SCAF1: variants seen among roughly 807,000 people sequenced by gnomAD.
SCAF1 encodes the protein splicing factor, arginine/serine-rich 19.
In SCAF1, 28 loss-of-function variants were observed where a neutral mutation model predicts 91.2. The observed-to-expected ratio is 0.31, with a 90% CI of 0.23 to 0.42. The LOEUF (loss-of-function observed/expected upper bound fraction) is 0.42, where lower values mean the gene tolerates loss of function less well. Among genes scored for constraint, SCAF1 ranks in the 10% least tolerant of loss-of-function variants. The pLI, the probability that SCAF1 is intolerant of heterozygous loss-of-function variation, is 1.00. For missense variants in SCAF1, 1,893 were observed against 1,872.1 expected (o/e 1.01, Z -0.21); for synonymous variants, 1,036 against 833.7 (o/e 1.24, Z -4.18).
Position 49,646,202 on chromosome 19 carries a change from T to C in SCAF1, c.261T>C (p.Thr87=). ...AATCAGGGGGCACTGACACGGCTACTGTGAGTAAGAAGAGGGGGCTGGGGG... is the reference window on the plus strand; with the variant it reads ...AATCAGGGGGCACTGACACGGCTACCGTGAGTAAGAAGAGGGGGCTGGGGG... The part of the protein sequence containing the change: ...SQESGGTDTA[T]VLDMATDSFL... The change falls in exon 4 of 11, where the codon ACT becomes ACC. Residue 87 remains threonine (T), a splice_region_variant and synonymous_variant. Transcript: ENST00000360565. The surrounding 1 kb of genome is among the most constrained non-coding windows in gnomAD (Gnocchi z 5.6). 1 of 1,598,872 alleles carries C rather than the reference T, an allele frequency of 6.3e-7. No homozygotes were observed. Among genetic ancestry groups the C allele is most frequent in the Non-Finnish European group, 8.5e-7 (1 of 1,177,530 alleles).
In SCAF1 at chr19:49,642,855, C is replaced by T. The variant is rs967336870; in HGVS notation, c.-7+613C>T. On this transcript the variant is annotated intron_variant, in intron 1 of 10. Transcript: ENST00000360565. The surrounding 1 kb of genome is among the most constrained non-coding windows in gnomAD (Gnocchi z 4.0). Reference sequence around the variant, plus strand: ...GCCCCCTAGGGGGTTGGGTTATGCCCACCAGGGAAGGGCGCCAAATATTGA... The same window carrying T: ...GCCCCCTAGGGGGTTGGGTTATGCCTACCAGGGAAGGGCGCCAAATATTGA... The T allele has an allele frequency of 6.6e-6, 1 of 152,286 alleles. No homozygotes were observed. Among genetic ancestry groups the T allele is most frequent in the Non-Finnish European group, 1.5e-5 (1 of 68,106 alleles). 9.4% of individuals were successfully genotyped at this position (152,286 alleles called of 1,614,324 possible).
intron 1 of SCAF1, among the ~76,000 whole-genome samples, chr19:49,643,400 C>T (rs2081038003): frequency 6.6e-6 from 1 of 152,312 alleles, no homozygotes; most frequent in African/African-American, 2.4e-5. Context: ...TTTCCACTTA[C>T]TACTTGTGCT....
rs1204804234 is a variant in SCAF1 at position 49,651,968 on chromosome 19, G to T, written c.1579G>T (p.Gly527Cys). Residue 527 changes from glycine to cysteine, a missense_variant, in exon 7 of 11, where the codon GGC becomes TGC. Coordinates refer to ENST00000360565, the MANE Select transcript of SCAF1 (RefSeq NM_021228.3). The part of the protein sequence containing the change: ...KKSRRERKRS[G>C]EAKEAASSSS... ...GTCCAGGCGGGAACGCAAGCGCAGC[G>T]GCGAGGCCAAGGAGGCCGCCTCGTC... The T allele has an allele frequency of 1.7e-6, 2 of 1,198,758 alleles. No homozygotes were observed. The highest frequency in any genetic ancestry group is 5.7e-5 in the East Asian group (1 of 17,620). The allele number at this position is 1,198,758 out of a possible 1,614,324, so 74.3% of individuals were successfully genotyped here. A position where few individuals can be genotyped will look rare whatever the true frequency, so the allele number is the denominator to read the frequency against.
chr19:49,646,559 G>A lies in SCAF1; in HGVS notation c.295G>A (p.Gly99Arg), dbSNP rs1436754876. 6.2e-7 allele frequency: 1 copy of A among 1,614,098 alleles called. No homozygotes were observed. The highest frequency in any genetic ancestry group is 2.2e-5 in the East Asian group (1 of 44,886). The stretch of plus-strand genomic sequence containing the variant: ...CATGGCCACGGACAGCTTCCTCGCA[G>A]GGCTGGTGAGTGTCCTGGATCCCCC... ...LDMATDSFLAGLVSVLDPPDT... is the reference protein window; with the variant it reads ...LDMATDSFLARLVSVLDPPDT... Residue 99 changes from glycine to arginine, a missense_variant, in exon 5 of 11, where the codon GGG becomes AGG. This residue lies in a region of SCAF1 where 270 missense variants were observed against 292.5 expected (regional missense o/e 0.92). Coordinates refer to ENST00000360565, the MANE Select transcript of SCAF1 (RefSeq NM_021228.3). This position sits in a 1 kb window ranked among gnomAD's most constrained non-coding sequence, Gnocchi z 5.6.
In SCAF1 at chr19:49,652,741, AGATAGGGACAGG is replaced by A; in HGVS notation, c.2355_2366del (p.Asp787_Arg790del). On this transcript the variant is annotated inframe_deletion, in exon 7 of 11. Coordinates refer to ENST00000360565, the MANE Select transcript of SCAF1 (RefSeq NM_021228.3). ...GTGACCGGGATCGGGACAGGGACAG[AGATAGGGACAGG>A]GACAGGTCATCCAAGAAGGCCCGGC... The A allele has an allele frequency of 5.6e-6, 9 of 1,607,538 alleles. No homozygotes were observed. Among genetic ancestry groups the A allele is most frequent in the Non-Finnish European group, 7.6e-6 (9 of 1,177,306 alleles).
At position 49,652,302 on chromosome 19, in the gene SCAF1, G is replaced by T; in HGVS notation, c.1913G>T (p.Gly638Val). ...ERHRGKHRDG[G>V]GSKKKKKRSR... ...CACCGCGGGAAACACCGGGACGGTG[G>T]CGGCAGCAAGAAGAAGAAGAAGCGG... The change falls in exon 7 of 11, where the codon GGC becomes GTC. Residue 638 changes from glycine to valine, a missense_variant. Around this residue, in one of 5 missense-constraint regions of SCAF1, gnomAD observed 1,436 missense variants for 1,306.8 expected, o/e 1.10. Coordinates refer to ENST00000360565, the MANE Select transcript of SCAF1 (RefSeq NM_021228.3). 1 of 1,530,522 alleles carries T rather than the reference G, an allele frequency of 6.5e-7. No homozygotes were observed. The allele number at this position is 1,530,522 out of a possible 1,614,324, so 94.8% of individuals were successfully genotyped here.
chr19:49,655,452 C>T (rs963761716), intron 9 of SCAF1, among the ~76,000 whole-genome samples: 13 of 152,096 alleles, frequency 8.5e-5, no homozygotes, highest in Admixed American at 6.6e-4. Context: ...CTGCAGCCTC[C>T]GCCTCCAGGG....
Position 49,652,733 on chromosome 19 carries a change from A to T in SCAF1, c.2344A>T (p.Arg782Trp). The change falls in exon 7 of 11, where the codon AGG becomes TGG. Residue 782 changes from arginine (R) to tryptophan (W), a missense_variant. By Grantham distance (101) the Arg-to-Trp change is moderately radical. Coordinates refer to ENST00000360565, the MANE Select transcript of SCAF1 (RefSeq NM_021228.3). ...ALDGGDRDRD[R>W]DRDRDRDRSS... Reference sequence around the variant, plus strand: ...GGACGGGGGTGACCGGGATCGGGACAGGGACAGAGATAGGGACAGGGACAG... The same window carrying T: ...GGACGGGGGTGACCGGGATCGGGACTGGGACAGAGATAGGGACAGGGACAG... 1 of 1,604,604 alleles carries T rather than the reference A, an allele frequency of 6.2e-7. No homozygotes were observed. Among genetic ancestry groups the T allele is most frequent in the Non-Finnish European group, 8.5e-7 (1 of 1,175,914 alleles).
At position 49,646,059 on chromosome 19, in the gene SCAF1, T is replaced by C. The variant is rs1478847135; in HGVS notation, c.167-49T>C. Reference sequence around the variant, plus strand: ...TCCTCTTTCCTCTACCCCGCAAGTCTCTGCAGCAAGTCCCCTGTGTCCAAT... The same window carrying C: ...TCCTCTTTCCTCTACCCCGCAAGTCCCTGCAGCAAGTCCCCTGTGTCCAAT... On this transcript the variant is annotated intron_variant, in intron 3 of 10. Coordinates refer to ENST00000360565, the MANE Select transcript of SCAF1 (RefSeq NM_021228.3). This position sits in a 1 kb window ranked among gnomAD's most constrained non-coding sequence, Gnocchi z 5.6. 3.2e-6 allele frequency: 5 copies of C among 1,541,522 alleles called. No homozygotes were observed. Among genetic ancestry groups the C allele is most frequent in the Non-Finnish European group, 4.5e-6 (5 of 1,117,638 alleles).
In SCAF1 at chr19:49,653,476, AGAG is replaced by A. The variant is rs750992003; in HGVS notation, c.3096_3098del (p.Glu1039del). ...CGGAGGAGGAGGAGGAGGAAGAAGA[AGAG>A]GAGGAGGAAGAGGAAGAGGAGGAGG... is the stretch of plus-strand genomic sequence containing the variant. On this transcript the variant is annotated inframe_deletion, in exon 7 of 11. Transcript: ENST00000360565. 136 of 1,556,452 alleles carry A rather than the reference AGAG, an allele frequency of 8.7e-5. No individual in the cohort carries two copies. The highest frequency in any genetic ancestry group is 5.3e-4 in the Middle Eastern group (3 of 5,630).
At position 49,658,567 on chromosome 19, in the gene SCAF1, C is replaced by G; in HGVS notation, c.*168C>G. ...GCCCCGTGTCCACCTCCCTTGCCCC[C>G]AAGCCTGTCCCCAGTGCCCCTCCCT... On this transcript the variant is annotated 3_prime_UTR_variant, in exon 11 of 11. Transcript: ENST00000360565. The G allele has an allele frequency of 3.3e-6, 2 of 613,048 alleles. No homozygotes were observed. 38.0% of individuals were successfully genotyped at this position (613,048 alleles called of 1,614,324 possible).
chr19:49,650,816 C>A, intron 6 of SCAF1, 52 bp from the exon 7 acceptor site: 1 of 1,455,954 alleles, frequency 6.9e-7, no homozygotes, highest in Non-Finnish European at 9.4e-7. Context: ...CAAGCAGGCA[C>A]CAGGAGGGAG....
Position 49,651,825 on chromosome 19 carries a change from G to T in SCAF1, c.1436G>T (p.Gly479Val). 8.0e-7 allele frequency: 1 copy of T among 1,253,108 alleles called. No homozygotes were observed. Among genetic ancestry groups the T allele is most frequent in the Non-Finnish European group, 1.0e-6 (1 of 1,000,366 alleles). 77.6% of individuals were successfully genotyped at this position (1,253,108 alleles called of 1,614,324 possible). ...APPAADSRWG[G>V]LDLRRKILTQ... ...CCCGCCGCCGACTCGCGCTGGGGCG[G>T]CCTGGACCTGCGCCGCAAGATCCTG... is the stretch of plus-strand genomic sequence containing the variant. Residue 479 changes from glycine (G) to valine (V), a missense_variant, in exon 7 of 11, where the codon GGC (glycine) becomes GTC (valine). Transcript: ENST00000360565.
rs2081032404 is a variant in SCAF1, at chr19:49,642,452, G to C, written c.-7+210G>C. 6.6e-6 allele frequency among the ~76,000 whole-genome samples: 1 copy of C among 152,202 alleles called. No homozygotes were observed. Among genetic ancestry groups the C allele is most frequent in the African/African-American group, 2.4e-5 (1 of 41,464 alleles). On this transcript the variant is annotated intron_variant, in intron 1 of 10. Transcript: ENST00000360565. The surrounding 1 kb of genome is among the most constrained non-coding windows in gnomAD (Gnocchi z 4.0). ...CCCCGGGACGCATCCGTGGGTTCCT[G>C]GGGGCGTCTATGGGGCGTCTCCGAG...
In SCAF1 at chr19:49,652,882, G is replaced by T; in HGVS notation, c.2493G>T (p.Val831=). The T allele has an allele frequency of 6.2e-7, 1 of 1,614,030 alleles. No homozygotes were observed. Among genetic ancestry groups the T allele is most frequent in the South Asian group, 1.1e-5 (1 of 91,080 alleles). ...CGTCCTCCTGTTCTTCCCGGAAGGT[G>T]AAGCTGCAGTCCAAGGTGGCGGTGC... The part of the protein sequence containing the change: ...SSSSSCSSRK[V]KLQSKVAVLI... Residue 831 remains valine (V), a synonymous_variant, in exon 7 of 11, where the codon GTG becomes GTT. Coordinates refer to ENST00000360565, the MANE Select transcript of SCAF1 (RefSeq NM_021228.3).
intron 9 of SCAF1, among the ~76,000 whole-genome samples, chr19:49,656,393 C>T (rs1216079987): frequency 6.6e-6 from 1 of 152,198 alleles, no homozygotes; most frequent in Non-Finnish European, 1.5e-5. Flanking sequence ...TGATGTTGCT[C>T]CTGGAGTCGG....
At chr19:49,641,138 C>G (rs1295702438), upstream of SCAF1, among the ~76,000 whole-genome samples, 4 of 152,018 alleles carry the variant, frequency 2.6e-5, no homozygotes, top group Non-Finnish European at 4.4e-5. Context: ...AGCTTGAGAC[C>G]AGGACTAGTC....
Position 49,654,932 on chromosome 19 carries a change from A to G in SCAF1, c.3618+62A>G, listed in dbSNP as rs2081130183. The G allele has an allele frequency of 2.3e-6, 3 of 1,314,090 alleles. No individual in the cohort carries two copies. The African/African-American group carries it at 4.4e-5, about 19-fold the overall frequency. The allele number at this position is 1,314,090 out of a possible 1,614,324, so 81.4% of individuals were successfully genotyped here. A position where few individuals can be genotyped will look rare whatever the true frequency, so the allele number is the denominator to read the frequency against. ...AGTTCTGTAGAGAATATGGACAGGA[A>G]CTGAGACGCGGGGGCCCAAGGAGAA... On this transcript the variant is annotated intron_variant, in intron 9 of 10. Coordinates refer to ENST00000360565, the MANE Select transcript of SCAF1 (RefSeq NM_021228.3).
chr19:49,646,940 C>T lies in SCAF1; in HGVS notation c.478+110C>T, dbSNP rs975763223. ...TCATGTTATTTAGACAAAACCTTTC[C>T]CTTCTCTTCGTATTAGACGTGATTA... On this transcript the variant is annotated intron_variant, in intron 6 of 10. Transcript: ENST00000360565. The surrounding 1 kb of genome is among the most constrained non-coding windows in gnomAD (Gnocchi z 5.6). 1.3e-5 allele frequency: 10 copies of T among 781,348 alleles called. No homozygotes were observed. The highest frequency in any genetic ancestry group is 2.0e-5 in the Non-Finnish European group (10 of 495,514). 48.4% of individuals were successfully genotyped at this position (781,348 alleles called of 1,614,324 possible).
Sources: gnomAD v4.1 joint callset for allele counts (sites outside exome capture counted in the v4.1 genomes callset) on GRCh38, gnomAD v4.1.1 for gene constraint, gnomAD v4.1.1 regional missense constraint, Gnocchi (gnomAD v3.1) non-coding constraint, MANE v1.5 for transcripts, NCBI Gene and HGNC (gene_info 2026-07-23, HGNC 2026-07-21) for gene names.